Variants in PDZD2 observed in about 807,000 individuals in gnomAD.
PDZD2 encodes the protein PDZ domain containing 2, also known as PDZ domain-containing protein 2.
A neutral mutation model predicts 220.7 loss-of-function variants in PDZD2; 90 were observed. The ratio of observed to expected loss-of-function variants is 0.41; its 90% CI spans 0.34 to 0.49. The LOEUF is 0.49. PDZD2 is among the 20% of genes least tolerant of loss of function. The pLI, the probability that PDZD2 is intolerant of heterozygous loss-of-function variation, is 0.28. For missense variants in PDZD2, 3,174 were observed against 3,608.5 expected, an observed-to-expected ratio of 0.88 and a Z score of 3.08; for synonymous variants, 1,375 against 1,450.5, an observed-to-expected ratio of 0.95 and a Z score of 1.18.
intron 2 of PDZD2, chr5:31,840,665 G>A (rs546816136): frequency 6.1e-5 from 45 of 735,822 alleles, no homozygotes; most frequent in Admixed American, 5.4e-4. Flanking sequence ...TCAGGAAGCT[G>A]TCTTGGCTCT....
chr5:32,015,757 A>C (rs1400850602), intron 6 of PDZD2, among the ~76,000 whole-genome samples: 3 of 152,184 alleles, frequency 2.0e-5, no homozygotes, highest in African/African-American at 7.2e-5. Context: ...AGAAACTTTA[A>C]ATTGAAGAGA....
chr5:31,840,176 G>A (rs1757176630), intron 2 of PDZD2, among the ~76,000 whole-genome samples: 1 of 151,870 alleles, frequency 6.6e-6, no homozygotes, highest in Non-Finnish European at 1.5e-5. Flanking sequence ...GCTTGAGACT[G>A]CGGTGAGCCG....
intron 1 of PDZD2, among the ~76,000 whole-genome samples, chr5:31,684,781 G>A (rs1012018505): frequency 1.3e-5 from 2 of 152,062 alleles, no homozygotes; most frequent in Non-Finnish European, 2.9e-5. Context: ...TTAGGGTCTT[G>A]CTCTTGCCTC....
intron 2 of PDZD2, among the ~76,000 whole-genome samples, chr5:31,809,109 C>A (rs141841956): frequency 2.0e-5 from 3 of 152,308 alleles, no homozygotes; most frequent in Non-Finnish European, 4.4e-5. Flanking sequence ...CTAGAACCTT[C>A]CATCTCAACA....
At position 31,992,217 on chromosome 5, in the gene PDZD2, T is replaced by C. The variant is rs192888457; in HGVS notation, c.979-3359T>C. On this transcript the variant is annotated intron_variant, in intron 3 of 24. Transcript: ENST00000438447. ...CCTACTTTCAATTAAAAAAAAATTATGTTATCGGATAAAAGTGAAAAAGAA... is the reference window on the plus strand; with the variant it reads ...CCTACTTTCAATTAAAAAAAAATTACGTTATCGGATAAAAGTGAAAAAGAA... 1.5e-4 allele frequency among the ~76,000 whole-genome samples: 23 copies of C among 152,310 alleles called. No individual in the cohort carries two copies. In the East Asian group the frequency reaches 4.0e-3, roughly 27 times the overall value.
chr5:31,882,320 G>C (rs6896052), intron 2 of PDZD2, among the ~76,000 whole-genome samples: 69,337 of 151,972 alleles, frequency 0.46, 16,021 homozygotes, highest in South Asian at 0.54. Flanking sequence ...GCAGGCAAGA[G>C]AAAAGGACCT....
At chr5:31,708,133 T>G (rs1393167277) in intron 1 of PDZD2, among the ~76,000 whole-genome samples, 1 of 151,826 alleles carries the variant, frequency 6.6e-6, no homozygotes, top group Non-Finnish European at 1.5e-5. Flanking sequence ...GTCCAGTCTC[T>G]TCAATTTTGG....
At position 32,051,295 on chromosome 5, in the gene PDZD2, A is replaced by AT. The variant is rs200772913; in HGVS notation, c.1666-1308dup. On this transcript the variant is annotated intron_variant, in intron 8 of 24. Transcript: ENST00000438447. ...GCAGTAACCTTGCCAAGCCCACATC[A>AT]TTTTTTTTAATGATTGAAAGTCTGG... Among the ~76,000 whole-genome samples the AT allele has an allele frequency of 9.1e-3, 1,377 of 152,078 alleles. 7 individuals carry two copies. Among genetic ancestry groups the AT allele is most frequent in the Middle Eastern group, 0.031 (9 of 294 alleles).
chr5:32,038,473 G>T lies in PDZD2; in HGVS notation c.1519+1131G>T, dbSNP rs552158390. Among the ~76,000 whole-genome samples, 3 of 152,152 alleles carry T rather than the reference G, an allele frequency of 2.0e-5. No individual in the cohort carries two copies. In the East Asian group the frequency reaches 5.8e-4, roughly 30 times the overall value. Reference sequence around the variant, plus strand: ...AATCACTTGAACCTAGGAGGCTGAGGTTGCAGTGAGGCCAGATCACACCAC... The same window carrying T: ...AATCACTTGAACCTAGGAGGCTGAGTTTGCAGTGAGGCCAGATCACACCAC... On this transcript the variant is annotated intron_variant, in intron 7 of 24. Coordinates refer to ENST00000438447, the MANE Select transcript of PDZD2 (RefSeq NM_178140.4).
At chr5:32,059,150 A>G in intron 12 of PDZD2, 89 bp from the exon 13 acceptor site, 1 of 704,072 alleles carries the variant, frequency 1.4e-6, no homozygotes, top group South Asian at 1.7e-5. Flanking sequence ...GTCTGAATAG[A>G]TATTAATTCT....
chr5:31,713,602 GT>G (rs1432254806), intron 1 of PDZD2, among the ~76,000 whole-genome samples: 1 of 152,174 alleles, frequency 6.6e-6, no homozygotes, highest in Non-Finnish European at 1.5e-5. Flanking sequence ...GTGGTAATGA[GT>G]GAGTTCTTCC....
At chr5:31,684,955 A>G (rs941343189) in intron 1 of PDZD2, among the ~76,000 whole-genome samples, 2 of 152,148 alleles carry the variant, frequency 1.3e-5, no homozygotes, top group Non-Finnish European at 2.9e-5. Context: ...TTACTTATTT[A>G]AGGGTAGAAT....
intron 1 of PDZD2, among the ~76,000 whole-genome samples, chr5:31,735,040 G>C (rs1749766015): frequency 6.6e-6 from 1 of 152,122 alleles, no homozygotes; most frequent in South Asian, 2.1e-4. Flanking sequence ...ACTACATAAA[G>C]AGATTCATTT....
chr5:32,073,165 A>G (rs1259061558), intron 17 of PDZD2, among the ~76,000 whole-genome samples: 1 of 152,108 alleles, frequency 6.6e-6, no homozygotes, highest in African/African-American at 2.4e-5. Context: ...CCCTTGTTTT[A>G]GGAGAGGCAG....
chr5:31,985,447 C>T (rs1750639936), intron 3 of PDZD2, among the ~76,000 whole-genome samples: 1 of 152,204 alleles, frequency 6.6e-6, no homozygotes, highest in Admixed American at 6.5e-5. Context: ...GTAATCCCAG[C>T]ACTGTGGGAG....
chr5:31,757,956 T>A (rs73056601), intron 1 of PDZD2, among the ~76,000 whole-genome samples: 2,649 of 152,336 alleles, frequency 0.017, 79 homozygotes, highest in African/African-American at 0.059. Context: ...AATTAACTCT[T>A]GTTTTTATTG....
rs545063668 is a variant in PDZD2, at chr5:31,914,114, G to A, written c.477-69041G>A. Among the ~76,000 whole-genome samples, 7 of 152,102 alleles carry A rather than the reference G, an allele frequency of 4.6e-5. No homozygotes were observed. In the South Asian group the frequency reaches 1.5e-3, roughly 32 times the overall value. On this transcript the variant is annotated intron_variant, in intron 2 of 24. Coordinates refer to ENST00000438447, the MANE Select transcript of PDZD2 (RefSeq NM_178140.4). ...GTGATCCCAGAATTAAACAGCTAAT[G>A]AAATTCTCTGCTCAAGTGGCACATG...
intron 24 of PDZD2, 106 bp from the exon 25 acceptor site, chr5:32,107,863 T>TA (rs1346561526): frequency 6.5e-6 from 4 of 617,208 alleles, no homozygotes; most frequent in Non-Finnish European, 1.1e-5. Flanking sequence ...TATTCAATAA[T>TA]ATATTATTTA....
chr5:31,813,047 T>A (rs73060320), intron 2 of PDZD2, among the ~76,000 whole-genome samples: 11 of 152,146 alleles, frequency 7.2e-5, no homozygotes, highest in African/African-American at 2.4e-4. Flanking sequence ...ATGTGAAATA[T>A]AAACTTACAA....
Sources: gnomAD v4.1 joint callset for allele counts (sites outside exome capture counted in the v4.1 genomes callset) on GRCh38, gnomAD v4.1.1 for gene constraint, MANE v1.5 for transcripts, NCBI Gene and HGNC (gene_info 2026-07-23, HGNC 2026-07-21) for gene names.